Variants in UBE2E1 observed in about 807,000 individuals in gnomAD.
UBE2E1 encodes the protein ubiquitin conjugating enzyme E2 E1.
UBE2E1 carries 6 observed loss-of-function variants against 21.4 expected under a neutral mutation model. The observed-to-expected ratio is 0.28, with a 90% CI of 0.15 to 0.55. UBE2E1 has a LOEUF of 0.55. Among genes scored for constraint, UBE2E1 ranks in the 20% least tolerant of loss-of-function variants. The pLI is 0.93. For synonymous variants in UBE2E1, 87 were observed against 82.7 expected (o/e 1.05, Z -0.28); for missense variants, 142 against 236.5 (o/e 0.60, Z 2.62).
chr3:23,844,807 C>T (rs1325368613), intron 3 of UBE2E1, among the ~76,000 whole-genome samples: 2 of 152,092 alleles, frequency 1.3e-5, no homozygotes, highest in Non-Finnish European at 2.9e-5. Flanking sequence ...GGTTGTTGCT[C>T]TCCCAGATAT....
chr3:23,856,784 C>T (rs944830489), intron 3 of UBE2E1, among the ~76,000 whole-genome samples: 2 of 151,972 alleles, frequency 1.3e-5, no homozygotes, highest in African/African-American at 4.8e-5. Context: ...AAATTAATGT[C>T]ATGATTATCA....
intron 3 of UBE2E1, among the ~76,000 whole-genome samples, chr3:23,868,286 A>G (rs563632251): frequency 1.3e-5 from 2 of 152,174 alleles, no homozygotes; most frequent in Admixed American, 1.3e-4. Flanking sequence ...TAGGGTGACC[A>G]TAGTTACTTT....
In UBE2E1 at chr3:23,810,719, C is replaced by T; in HGVS notation, c.153-741C>T. 2 of 480,314 alleles carry T rather than the reference C, an allele frequency of 4.2e-6. No individual in the cohort carries two copies. The highest frequency in any genetic ancestry group is 7.1e-6 in the Non-Finnish European group (2 of 279,782). The allele number at this position is 480,314 out of a possible 1,614,324, so 29.8% of individuals were successfully genotyped here. On this transcript the variant is annotated intron_variant, in intron 2 of 5. Transcript: ENST00000306627. The surrounding 1 kb of genome is among the most constrained non-coding windows in gnomAD (Gnocchi z 5.8). ...CGCCGGGAGAGGAGAGCTGGGGCGG[C>T]GCGGAGCAGCCCCCGTGCGGGCACC...
intron 3 of UBE2E1, among the ~76,000 whole-genome samples, chr3:23,871,170 C>T (rs1442594755): frequency 6.6e-6 from 1 of 152,104 alleles, no homozygotes; most frequent in African/African-American, 2.4e-5. Flanking sequence ...GTCATCATGG[C>T]CCGTTCTCAA....
At chr3:23,846,777 A>G (rs1418272081) in intron 3 of UBE2E1, among the ~76,000 whole-genome samples, 15 of 151,146 alleles carry the variant, frequency 9.9e-5, no homozygotes, top group Non-Finnish European at 1.5e-4. Flanking sequence ...TAAGTCTTGG[A>G]GTATACCATT....
intron 3 of UBE2E1, among the ~76,000 whole-genome samples, chr3:23,883,860 G>C (rs1701111463): frequency 6.7e-6 from 1 of 148,398 alleles, no homozygotes; most frequent in African/African-American, 2.5e-5. Flanking sequence ...AGGTTGCAGT[G>C]AGCTGAGATC....
Position 23,870,163 on chromosome 3 carries a change from T to C in UBE2E1, c.204-17404T>C, listed in dbSNP as rs1462084531. On this transcript the variant is annotated intron_variant, in intron 3 of 5. Coordinates refer to ENST00000306627, the MANE Select transcript of UBE2E1 (RefSeq NM_003341.5). This position sits in a 1 kb window ranked among gnomAD's most constrained non-coding sequence, Gnocchi z 4.2. The stretch of plus-strand genomic sequence containing the variant: ...TAATTCTCATTCTTGATGTGGTCTC[T>C]TCACACGGTCTCTGCAGTACTAGGC... Among the ~76,000 whole-genome samples the C allele has an allele frequency of 6.6e-6, 1 of 152,164 alleles. No homozygotes were observed. The highest frequency in any genetic ancestry group is 1.5e-5 in the Non-Finnish European group (1 of 68,030).
intron 3 of UBE2E1, among the ~76,000 whole-genome samples, chr3:23,812,730 A>G (rs190942029): frequency 3.9e-4 from 60 of 152,304 alleles, no homozygotes; most frequent in African/African-American, 1.3e-3. Flanking sequence ...TGGAAAAACC[A>G]TAAGACTTAG....
intron 3 of UBE2E1, among the ~76,000 whole-genome samples, chr3:23,844,188 C>T (rs1170263476): frequency 6.6e-6 from 1 of 152,070 alleles, no homozygotes; most frequent in Non-Finnish European, 1.5e-5. Context: ...AGGTTGATTC[C>T]TTTTTCTCCT....
chr3:23,830,827 G>A (rs1410674926), intron 3 of UBE2E1, among the ~76,000 whole-genome samples: 2 of 152,208 alleles, frequency 1.3e-5, no homozygotes, highest in African/African-American at 4.8e-5. Flanking sequence ...CTTGGAGGTG[G>A]TGGTGATAGC....
At position 23,854,564 on chromosome 3, in the gene UBE2E1, G is replaced by A. The variant is rs189371058; in HGVS notation, c.204-33003G>A. On this transcript the variant is annotated intron_variant, in intron 3 of 5. Transcript: ENST00000306627. The stretch of plus-strand genomic sequence containing the variant: ...TGGGCCAGTTTATCTTTTGGCCCAG[G>A]CTCTTTTGAGTCAGGTATCTATACT... Among the ~76,000 whole-genome samples, 137 of 152,252 alleles carry A rather than the reference G, an allele frequency of 9.0e-4. 1 individual carries two copies. The highest frequency in any genetic ancestry group is 2.8e-3 in the African/African-American group (117 of 41,540).
chr3:23,826,783 T>TA (rs1699769089), intron 3 of UBE2E1, among the ~76,000 whole-genome samples: 1 of 152,200 alleles, frequency 6.6e-6, no homozygotes, highest in South Asian at 2.1e-4. Context: ...ACACATGTAA[T>TA]AAGGCTAATG....
intron 3 of UBE2E1, among the ~76,000 whole-genome samples, chr3:23,881,099 T>A (rs1002872267): frequency 4.6e-5 from 7 of 152,254 alleles, no homozygotes; most frequent in Non-Finnish European, 7.3e-5. Flanking sequence ...TTGCGTTTAT[T>A]CAATGGAGAG....
chr3:23,881,174 C>T (rs1701030008), intron 3 of UBE2E1, among the ~76,000 whole-genome samples: 1 of 152,090 alleles, frequency 6.6e-6, no homozygotes, highest in South Asian at 2.1e-4. Context: ...TGGCCATCCC[C>T]GCTCCTATTG....
At chr3:23,862,237 T>C (rs1048660394) in intron 3 of UBE2E1, among the ~76,000 whole-genome samples, 5 of 152,348 alleles carry the variant, frequency 3.3e-5, no homozygotes, top group African/African-American at 9.6e-5. Context: ...TTAGCAGGCA[T>C]GTAAGGTCCT....
intron 5 of UBE2E1, among the ~76,000 whole-genome samples, 167 bp from the exon 6 acceptor site, chr3:23,890,342 T>G (rs1310429148): frequency 6.6e-6 from 1 of 152,244 alleles, no homozygotes; most frequent in East Asian, 1.9e-4. Context: ...ACGTTATGTT[T>G]TTTTGAAATT....
intron 3 of UBE2E1, among the ~76,000 whole-genome samples, chr3:23,821,115 A>C (rs556554725): frequency 6.6e-6 from 1 of 152,338 alleles, no homozygotes; most frequent in South Asian, 2.1e-4. Context: ...GGTGACTAAA[A>C]CAGACCTGGC....
Position 23,816,054 on chromosome 3 carries a change from T to C in UBE2E1, c.203+4544T>C, listed in dbSNP as rs535575156. 1.3e-5 allele frequency among the ~76,000 whole-genome samples: 2 copies of C among 152,334 alleles called. No individual in the cohort carries two copies. The highest frequency in any genetic ancestry group is 4.1e-4 in the South Asian group (2 of 4,822). On this transcript the variant is annotated intron_variant, in intron 3 of 5. Transcript: ENST00000306627. The surrounding 1 kb of genome is among the most constrained non-coding windows in gnomAD (Gnocchi z 4.8). ...AGAGGAAAGAAACCCTATCTGGAGA[T>C]GAATTGCCTTTCAAATGAGCAGGAA... is the stretch of plus-strand genomic sequence containing the variant.
At chr3:23,886,441 C>T (rs1701185240) in intron 3 of UBE2E1, among the ~76,000 whole-genome samples, 1 of 152,188 alleles carries the variant, frequency 6.6e-6, no homozygotes, top group South Asian at 2.1e-4. Flanking sequence ...CCATTACCCG[C>T]TATTCGGTTG....
Sources: gnomAD v4.1 joint callset for allele counts (sites outside exome capture counted in the v4.1 genomes callset) on GRCh38, gnomAD v4.1.1 for gene constraint, Gnocchi (gnomAD v3.1) non-coding constraint, MANE v1.5 for transcripts, NCBI Gene and HGNC (gene_info 2026-07-23, HGNC 2026-07-21) for gene names.